ULK4: variants seen among roughly 807,000 people sequenced by gnomAD.
ULK4 encodes the protein unc-51 like kinase 4, also known as inactive serine/threonine-protein kinase ULK4.
A neutral mutation model predicts 160.6 loss-of-function variants in ULK4; 133 were observed. The ratio of observed to expected loss-of-function variants is 0.83; its 90% CI spans 0.72 to 0.96. ULK4 has a LOEUF of 0.96. Ranked by LOEUF, ULK4 falls within the 40% of genes least tolerant of loss-of-function variation. The probability of loss-of-function intolerance (pLI) is 0.00; values close to 1 mark genes in which losing one functional copy is unlikely to be tolerated. For synonymous variants in ULK4, 534 were observed against 539.8 expected, an observed-to-expected ratio of 0.99 and a Z score of 0.15; for missense variants, 1,580 against 1,499.5, an observed-to-expected ratio of 1.05 and a Z score of -0.89.
At chr3:41,574,531 CTTTTTTTTTT>C (rs568406782) in intron 31 of ULK4, among the ~76,000 whole-genome samples, 52 of 92,170 alleles carry the variant, frequency 5.6e-4, no homozygotes, top group Middle Eastern at 6.9e-3. Context: ...CCAGAGTCCT[CTTTTTTTTTT>C]TTTTTTTTTT....
At position 41,836,843 on chromosome 3, in the gene ULK4, C is replaced by T. The variant is rs138165320; in HGVS notation, c.1657-872G>A. On this transcript the variant is annotated intron_variant, in intron 17 of 36. Transcript: ENST00000301831. ...TAAGAAAATCACATACACTCATTGC[C>T]AGAGTTCATACACCAGAACACAGGT... Among the ~76,000 whole-genome samples the T allele has an allele frequency of 7.5e-3, 1,146 of 152,182 alleles. 14 individuals carry two copies. Among genetic ancestry groups the T allele is most frequent in the African/African-American group, 0.026 (1,068 of 41,516 alleles).
At chr3:41,249,963 T>C (rs1419943618) in intron 35 of ULK4, among the ~76,000 whole-genome samples, 1 of 152,316 alleles carries the variant, frequency 6.6e-6, no homozygotes, top group Admixed American at 6.5e-5. Flanking sequence ...AAATCTGTCT[T>C]TGGGGCTCTC....
intron 32 of ULK4, among the ~76,000 whole-genome samples, chr3:41,510,515 T>C (rs2125923551): frequency 6.6e-6 from 1 of 152,276 alleles, no homozygotes; most frequent in East Asian, 1.9e-4. Context: ...TCTACCCAAC[T>C]ACTATAGAAT....
chr3:41,842,203 G>C (rs1259680110), intron 17 of ULK4, among the ~76,000 whole-genome samples: 1 of 125,014 alleles, frequency 8.0e-6, no homozygotes, highest in Non-Finnish European at 1.6e-5. Flanking sequence ...AAAAAAAGAA[G>C]ACTAAGGTGG....
intron 19 of ULK4, among the ~76,000 whole-genome samples, chr3:41,810,176 T>C (rs1337761357): frequency 1.3e-5 from 2 of 152,226 alleles, no homozygotes; most frequent in Non-Finnish European, 2.9e-5. Context: ...AAATGGCTTT[T>C]CATCCCTAGT....
At chr3:41,927,826 C>T (rs924874314) in intron 5 of ULK4, among the ~76,000 whole-genome samples, 1 of 152,060 alleles carries the variant, frequency 6.6e-6, no homozygotes, top group Non-Finnish European at 1.5e-5. Flanking sequence ...TATATATGCA[C>T]CCAATACAGG....
chr3:41,710,864 A>C (rs1159349869), intron 25 of ULK4, among the ~76,000 whole-genome samples: 1 of 151,980 alleles, frequency 6.6e-6, no homozygotes, highest in Non-Finnish European at 1.5e-5. Context: ...GAAAGTGAAA[A>C]AGCAGAGCCC....
chr3:41,323,349 G>A (rs1001085692), intron 35 of ULK4, among the ~76,000 whole-genome samples: 1 of 145,604 alleles, frequency 6.9e-6, no homozygotes, highest in African/African-American at 2.6e-5. Flanking sequence ...AATATTGAAG[G>A]GGAAGGAAAA....
At chr3:41,549,953 G>GAAC (rs2087002263) in intron 32 of ULK4, among the ~76,000 whole-genome samples, 2 of 152,152 alleles carry the variant, frequency 1.3e-5, no homozygotes, top group South Asian at 4.1e-4. Flanking sequence ...AGAACACTAT[G>GAAC]TCTAGCAAAC....
chr3:41,937,729 G>A (rs746956748), intron 3 of ULK4: 9 of 193,754 alleles, frequency 4.6e-5, no homozygotes, highest in Non-Finnish European at 9.4e-5. Flanking sequence ...AAAATTTTAT[G>A]AGGTACAGTA....
intron 2 of ULK4, among the ~76,000 whole-genome samples, chr3:41,952,721 T>C (rs1700331242): frequency 6.6e-6 from 1 of 152,176 alleles, no homozygotes. Flanking sequence ...TCTGAGTATA[T>C]ACACAAAATA....
chr3:41,921,382 C>A (rs767488726), intron 5 of ULK4, among the ~76,000 whole-genome samples: 1 of 151,816 alleles, frequency 6.6e-6, no homozygotes, highest in Non-Finnish European at 1.5e-5. Flanking sequence ...GAGGCCGAGG[C>A]GAGCAGATCA....
intron 30 of ULK4, among the ~76,000 whole-genome samples, chr3:41,654,183 T>C (rs956830478): frequency 6.6e-6 from 1 of 152,212 alleles, no homozygotes; most frequent in African/African-American, 2.4e-5. Flanking sequence ...CATGTATCTA[T>C]TGCAAGGACA....
At chr3:41,908,524 C>A (rs1216676961) in intron 11 of ULK4, among the ~76,000 whole-genome samples, 2 of 152,036 alleles carry the variant, frequency 1.3e-5, no homozygotes, top group African/African-American at 4.8e-5. Flanking sequence ...CGGCTCACTG[C>A]AACCTCCACC....
intron 12 of ULK4, 110 bp downstream of exon 12, chr3:41,907,735 G>A (rs1488712399): frequency 3.3e-6 from 2 of 601,732 alleles, no homozygotes; most frequent in African/African-American, 3.8e-5. Context: ...CAGCAAAGAT[G>A]ACCTTATTGT....
intron 4 of ULK4, among the ~76,000 whole-genome samples, chr3:41,935,215 T>A (rs1559660918): frequency 0.16 from 559 of 3,400 alleles, 24 homozygotes; most frequent in Middle Eastern, 0.25. Flanking sequence ...ATTTATTTTT[T>A]TTTTTTTTTT....
At chr3:41,649,918 G>C (rs530066064) in intron 30 of ULK4, among the ~76,000 whole-genome samples, 74 of 152,284 alleles carry the variant, frequency 4.9e-4, no homozygotes, top group African/African-American at 1.7e-3. Context: ...CCCATGAACC[G>C]ATCAGCATGA....
intron 20 of ULK4, among the ~76,000 whole-genome samples, chr3:41,795,838 T>A (rs1162624699): frequency 6.6e-6 from 1 of 152,180 alleles, no homozygotes; most frequent in Non-Finnish European, 1.5e-5. Flanking sequence ...AGGTGAGAGA[T>A]GGCAGTGGCC....
At chr3:41,385,348 A>T (rs1478423090) in intron 35 of ULK4, among the ~76,000 whole-genome samples, 1 of 152,164 alleles carries the variant, frequency 6.6e-6, no homozygotes, top group Non-Finnish European at 1.5e-5. Flanking sequence ...GATGCTGTAG[A>T]GAGAGTAGGG....
Sources: allele counts gnomAD v4.1 joint callset (sites outside exome capture counted in the v4.1 genomes callset), GRCh38; gene constraint gnomAD v4.1.1; transcripts MANE v1.5; gene names NCBI Gene and HGNC (gene_info 2026-07-23, HGNC 2026-07-21).